The following AKR1B10 variants were observed in gnomAD, a reference collection of about 807,000 sequenced individuals.
AKR1B10 encodes the protein ARP.
A neutral mutation model predicts 38.9 loss-of-function variants in AKR1B10; 39 were observed. That is an observed-to-expected ratio of 1.00 (90% CI 0.78 to 1.31). The LOEUF (loss-of-function observed/expected upper bound fraction) is 1.31, where lower values mean the gene tolerates loss of function less well. Ranked by LOEUF, AKR1B10 falls within the 50% of genes most tolerant of loss-of-function variation. The pLI is 0.00. For missense variants in AKR1B10, 361 were observed against 382.6 expected (o/e 0.94, Z 0.47); for synonymous variants, 148 against 141.2 (o/e 1.05, Z -0.34).
chr7:134,533,010 G>C lies in AKR1B10; in HGVS notation c.358G>C (p.Asp120His). 1.2e-6 allele frequency: 2 copies of C among 1,603,232 alleles called. No individual in the cohort carries two copies. Among genetic ancestry groups the C allele is most frequent in the South Asian group, 2.3e-5 (2 of 88,484 alleles). ...IHWPQGFKSG[D>H]DLFPKDDKGN... ...TTTCATTCTGTGTTCACAGTCTGGG[G>C]ATGACCTTTTCCCCAAAGATGATAA... Residue 120 changes from aspartate (D) to histidine (H), a missense_variant, in exon 4 of 10, where the codon GAT (aspartate) becomes CAT (histidine). By Grantham distance (81) the Asp-to-His change is moderately conservative. This residue lies in a region of AKR1B10 where 220 missense variants were observed against 216.1 expected (regional missense o/e 1.02). Coordinates refer to ENST00000359579, the MANE Select transcript of AKR1B10 (RefSeq NM_020299.5).
Position 134,527,707 on chromosome 7 carries a change from G to A in AKR1B10, c.-205G>A. ...CTAACAATATAAAAATTAGCTGGGA[G>A]TCACGGTGGGCGCCTGTAATCCCAG... On this transcript the variant is annotated 5_prime_UTR_variant, in exon 1 of 10. Transcript: ENST00000359579. 2.2e-6 allele frequency: 1 copy of A among 450,650 alleles called. No homozygotes were observed. The highest frequency in any genetic ancestry group is 3.4e-5 in the South Asian group (1 of 29,050). 27.9% of individuals were successfully genotyped at this position (450,650 alleles called of 1,614,324 possible).
chr7:134,533,173 T>G (rs1807910185), intron 4 of AKR1B10, 92 bp downstream of exon 4: 1 of 1,022,080 alleles, frequency 9.8e-7, no homozygotes, highest in Admixed American at 2.8e-5. Flanking sequence ...ATGTGCCTGA[T>G]GCTTTCTAAT....
chr7:134,531,516 T>G (rs1807855119), intron 2 of AKR1B10, among the ~76,000 whole-genome samples: 1 of 152,056 alleles, frequency 6.6e-6, no homozygotes. Context: ...ATCAGATAGG[T>G]CAGATAAAGG....
At chr7:134,539,310 G>A (rs886567085) in intron 9 of AKR1B10, among the ~76,000 whole-genome samples, 7 of 152,026 alleles carry the variant, frequency 4.6e-5, no homozygotes, top group East Asian at 1.9e-4. Flanking sequence ...AATATCTCAC[G>A]GTCATCTATG....
intron 7 of AKR1B10, 49 bp from the exon 8 acceptor site, chr7:134,538,145 G>C (rs778537416): frequency 6.0e-6 from 9 of 1,507,682 alleles, no homozygotes; most frequent in Non-Finnish European, 7.4e-6. Flanking sequence ...TCCATAAAAG[G>C]AGGGGTCTTT....
At chr7:134,533,302 A>G (rs1255611870) in intron 4 of AKR1B10, among the ~76,000 whole-genome samples, 1 of 152,210 alleles carries the variant, frequency 6.6e-6, no homozygotes, top group Non-Finnish European at 1.5e-5. Context: ...TGGAAATACA[A>G]TGTACCCCAC....
At chr7:134,540,877 C>T (rs1199718954) in intron 9 of AKR1B10, among the ~76,000 whole-genome samples, 170 bp from the exon 10 acceptor site, 1 of 152,138 alleles carries the variant, frequency 6.6e-6, no homozygotes, top group Non-Finnish European at 1.5e-5. Flanking sequence ...GCCCTCATAT[C>T]GATTTGAGGG....
Position 134,538,951 on chromosome 7 carries a change from T to G in AKR1B10, c.842T>G (p.Leu281Trp). 6.2e-7 allele frequency: 1 copy of G among 1,614,006 alleles called. No individual in the cohort carries two copies. The highest frequency in any genetic ancestry group is 8.5e-7 in the Non-Finnish European group (1 of 1,179,962). ...CCTTTCCAGGTCTTTGACTTTAAAT[T>G]GAGTGATGAGGAGATGGCAACCATA... is the stretch of plus-strand genomic sequence containing the variant. ...VENIQVFDFK[L>W]SDEEMATILS... The change falls in exon 9 of 10, where the codon TTG becomes TGG. Residue 281 changes from leucine (L) to tryptophan (W), a missense_variant. By Grantham distance (61) the Leu-to-Trp change is moderately conservative (BLOSUM62 -2). Around this residue, in one of 3 missense-constraint regions of AKR1B10, gnomAD observed 132 missense variants for 134.6 expected, o/e 0.98. Coordinates refer to ENST00000359579, the MANE Select transcript of AKR1B10 (RefSeq NM_020299.5).
chr7:134,539,832 CA>C (rs1189220030), intron 9 of AKR1B10, among the ~76,000 whole-genome samples: 1 of 152,206 alleles, frequency 6.6e-6, no homozygotes, highest in African/African-American at 2.4e-5. Flanking sequence ...TTAAATGTAT[CA>C]AAAAGAGTTG....
chr7:134,536,948 G>A, intron 5 of AKR1B10, 103 bp from the exon 6 acceptor site: 2 of 1,581,754 alleles, frequency 1.3e-6, no homozygotes, highest in Non-Finnish European at 8.6e-7. Context: ...GTGGGCAGGT[G>A]TTTGGCCTTT....
At chr7:134,531,808 G>A (rs143797989) in intron 2 of AKR1B10, 100 bp from the exon 3 acceptor site, 1 of 1,357,502 alleles carries the variant, frequency 7.4e-7, no homozygotes, top group African/African-American at 1.4e-5. Context: ...ATGGCTTGTG[G>A]TGGGTTAGAT....
chr7:134,535,585 C>CTTTTTT (rs58628862), intron 4 of AKR1B10: 267 of 410,560 alleles, frequency 6.5e-4, no homozygotes, highest in Non-Finnish European at 6.7e-4. Context: ...TCTTTTCTGT[C>CTTTTTT]TTTTTTTTTT....
At chr7:134,530,523 C>G in intron 1 of AKR1B10, 120 bp from the exon 2 acceptor site, 1 of 1,047,098 alleles carries the variant, frequency 9.6e-7, no homozygotes, top group Non-Finnish European at 1.4e-6. Flanking sequence ...GTAATTCCAG[C>G]TACTCGGGAG....
intron 2 of AKR1B10, among the ~76,000 whole-genome samples, chr7:134,531,451 G>C (rs2117539111): frequency 6.6e-6 from 1 of 152,244 alleles, no homozygotes; most frequent in South Asian, 2.1e-4. Flanking sequence ...GCCAAGTCTG[G>C]ATAAAGCCTT....
At chr7:134,540,528 T>A (rs995296631) in intron 9 of AKR1B10, among the ~76,000 whole-genome samples, 1 of 152,284 alleles carries the variant, frequency 6.6e-6, no homozygotes, top group South Asian at 2.1e-4. Flanking sequence ...TTAACACTGG[T>A]TTATTAGCTG....
In AKR1B10 at chr7:134,532,102, T is replaced by C. The variant is rs535644853; in HGVS notation, c.351+78T>C. 9.1e-6 allele frequency: 14 copies of C among 1,543,972 alleles called. No homozygotes were observed. The East Asian group carries it at 3.2e-4, about 35-fold the overall frequency. The stretch of plus-strand genomic sequence containing the variant: ...TAGTAGCTGCACCAGGGCTGTGGGG[T>C]GGTGTGGACTGGGGCAGGAGGCCTT... On this transcript the variant is annotated intron_variant, in intron 3 of 9. Transcript: ENST00000359579.
intron 3 of AKR1B10, 129 bp from the exon 4 acceptor site, chr7:134,532,875 G>T: frequency 5.8e-6 from 4 of 685,120 alleles, no homozygotes; most frequent in African/African-American, 1.9e-5. Context: ...CCTAAAGTAT[G>T]TACTCCAGAA....
chr7:134,531,442 C>T (rs532848192), intron 2 of AKR1B10, among the ~76,000 whole-genome samples: 2 of 152,112 alleles, frequency 1.3e-5, no homozygotes, highest in African/African-American at 4.8e-5. Flanking sequence ...TGTGTAGCAG[C>T]CAAGTCTGGA....
chr7:134,541,155 C>A lies in AKR1B10; in HGVS notation c.*66C>A. The stretch of plus-strand genomic sequence containing the variant: ...CTTCGCTGAAGTGTGACTACCTCCA[C>A]TCATGTCCCATTTTAGCCAAGCTTA... On this transcript the variant is annotated 3_prime_UTR_variant, in exon 10 of 10. Coordinates refer to ENST00000359579, the MANE Select transcript of AKR1B10 (RefSeq NM_020299.5). 1.6e-6 allele frequency: 2 copies of A among 1,228,532 alleles called. No individual in the cohort carries two copies. The highest frequency in any genetic ancestry group is 1.2e-6 in the Non-Finnish European group (1 of 852,802). The allele number at this position is 1,228,532 out of a possible 1,614,324, so 76.1% of individuals were successfully genotyped here.
Sources: allele counts gnomAD v4.1 joint callset (sites outside exome capture counted in the v4.1 genomes callset), GRCh38; gene constraint gnomAD v4.1.1; regional missense constraint gnomAD v4.1.1; transcripts MANE v1.5; gene names NCBI Gene and HGNC (gene_info 2026-07-23, HGNC 2026-07-21).